Variants in SUGP2 observed in about 807,000 individuals in gnomAD.
SUGP2 encodes SURP and G-patch domain containing 2.
SUGP2 carries 24 observed loss-of-function variants against 90.5 expected under a neutral mutation model. That is an observed-to-expected ratio of 0.27 (90% CI 0.19 to 0.37). The LOEUF is 0.37. Ranked by LOEUF, SUGP2 falls within the 10% of genes least tolerant of loss-of-function variation. The probability of loss-of-function intolerance (pLI) is 1.00; values close to 1 mark genes in which losing one functional copy is unlikely to be tolerated. For missense variants in SUGP2, 1,233 were observed against 1,363.3 expected (o/e 0.90, Z 1.51); for synonymous variants, 473 against 513.4 (o/e 0.92, Z 1.06).
chr19:19,003,299 T>C (rs943948893), intron 7 of SUGP2, among the ~76,000 whole-genome samples: 4 of 152,184 alleles, frequency 2.6e-5, no homozygotes, highest in African/African-American at 9.7e-5. Flanking sequence ...AGTCCCACAA[T>C]GGGGCACCAT....
chr19:19,004,681 T>C, intron 6 of SUGP2, 35 bp from the exon 7 acceptor site: 4 of 1,493,474 alleles, frequency 2.7e-6, no homozygotes, highest in Non-Finnish European at 3.7e-6. Context: ...GGTAACCAGA[T>C]GGAATCTCTC....
In SUGP2 at chr19:19,006,221, A is replaced by AAAATAAAT. The variant is rs71168790; in HGVS notation, c.2451-1583_2451-1576dup. Reference sequence around the variant, plus strand: ...GGCGACAGAGTGAAATTCCGTCTCAAAAATAAATAAATAAATAAAACGGAT... The same window carrying AAAATAAAT: ...GGCGACAGAGTGAAATTCCGTCTCAAAAATAAATAAATAAATAAATAAATAAAACGGAT... On this transcript the variant is annotated intron_variant, in intron 6 of 10. Coordinates refer to ENST00000452918, the MANE Select transcript of SUGP2 (RefSeq NM_001017392.5). 1.4e-3 allele frequency among the ~76,000 whole-genome samples: 209 copies of AAAATAAAT among 150,786 alleles called. 1 individual carries two copies. Among genetic ancestry groups the AAAATAAAT allele is most frequent in the Middle Eastern group, 3.4e-3 (1 of 292 alleles).
intron 4 of SUGP2, among the ~76,000 whole-genome samples, chr19:19,018,135 T>C (rs889906631): frequency 1.3e-5 from 2 of 152,014 alleles, no homozygotes; most frequent in South Asian, 2.1e-4. Flanking sequence ...GCATTATTTG[T>C]TGCCACTGGA....
chr19:19,019,250 T>C (rs1437299300), intron 3 of SUGP2, 21 bp from the exon 4 acceptor site: 2 of 1,601,410 alleles, frequency 1.2e-6, no homozygotes, highest in Non-Finnish European at 1.7e-6. Context: ...CAGAACAGCT[T>C]CTCTGAGAAA....
At chr19:19,013,907 C>T (rs1476628179) in intron 4 of SUGP2, among the ~76,000 whole-genome samples, 1 of 152,232 alleles carries the variant, frequency 6.6e-6, no homozygotes, top group South Asian at 2.1e-4. Context: ...TTTGCACTCT[C>T]TCATAGAAAA....
At chr19:18,994,213 G>T in intron 10 of SUGP2, 153 bp downstream of exon 10, 1 of 1,049,530 alleles carries the variant, frequency 9.5e-7, no homozygotes, top group Non-Finnish European at 1.4e-6. Context: ...CACATCCATA[G>T]ACCCTTTTGT....
At chr19:19,033,404 C>T in intron 1 of SUGP2, 33 bp downstream of exon 1, 1 of 1,288,526 alleles carries the variant, frequency 7.8e-7, no homozygotes, top group Non-Finnish European at 9.8e-7. Flanking sequence ...CCCCGGGAGC[C>T]ACCCACCGAC....
intron 6 of SUGP2, chr19:19,007,460 T>G (rs2058122505): frequency 6.6e-6 from 1 of 152,656 alleles, no homozygotes; most frequent in Non-Finnish European, 1.5e-5. Flanking sequence ...AGAACAGATT[T>G]TTTTTTTTTG....
rs1001078409 is a variant in SUGP2 at position 18,994,244 on chromosome 19, ATTTT to A, written c.*118_*121del. 6 of 1,359,062 alleles carry A rather than the reference ATTTT, an allele frequency of 4.4e-6. No individual in the cohort carries two copies. In the African/African-American group the frequency reaches 5.8e-5, roughly 13 times the overall value. The allele number at this position is 1,359,062 out of a possible 1,614,324, so 84.2% of individuals were successfully genotyped here. A position where few individuals can be genotyped will look rare whatever the true frequency, so the allele number is the denominator to read the frequency against. ...TTTGTTTCCCTCACAGAATTTTGTG[ATTTT>A]TTTTGTGTGTGGCATTTTTGGGGGA... is the stretch of plus-strand genomic sequence containing the variant. On this transcript the variant is annotated intron_variant, in intron 10 of 10. Coordinates refer to ENST00000452918, the MANE Select transcript of SUGP2 (RefSeq NM_001017392.5).
rs766038614 is a variant in SUGP2, at chr19:19,025,444, G to T, written c.904C>A (p.Leu302Met). The T allele has an allele frequency of 8.7e-6, 14 of 1,614,042 alleles. No individual in the cohort carries two copies. In the African/African-American group the frequency reaches 1.6e-4, roughly 18 times the overall value. The change falls in exon 3 of 11, where the codon CTG becomes ATG. Residue 302 changes from leucine (L) to methionine (M), a missense_variant. Coordinates refer to ENST00000452918, the MANE Select transcript of SUGP2 (RefSeq NM_001017392.5). ...QFPIQKIPLGLDLKNLRLPRR... is the reference protein window; with the variant it reads ...QFPIQKIPLGMDLKNLRLPRR... ...GGGAGCCGAAGATTCTTCAGATCCAGCCCCAGAGGGATCTTCTGAATGGGG... is the reference window on the plus strand; with the variant it reads ...GGGAGCCGAAGATTCTTCAGATCCATCCCCAGAGGGATCTTCTGAATGGGG...
At chr19:19,012,059 T>C (rs1349395830) in intron 4 of SUGP2, among the ~76,000 whole-genome samples, 2 of 152,310 alleles carry the variant, frequency 1.3e-5, no homozygotes, top group East Asian at 1.9e-4. Context: ...TTGCACAGCA[T>C]TGGCAGCACT....
At chr19:19,001,464 C>A in intron 8 of SUGP2, 149 bp downstream of exon 8, 1 of 808,450 alleles carries the variant, frequency 1.2e-6, no homozygotes, top group East Asian at 2.7e-5. Context: ...AAAGCCCTCC[C>A]AAGAGAAAAG....
intron 4 of SUGP2, among the ~76,000 whole-genome samples, chr19:19,013,169 G>A (rs1297730356): frequency 6.6e-6 from 1 of 152,072 alleles, no homozygotes; most frequent in Non-Finnish European, 1.5e-5. Context: ...ACCCAGCTCT[G>A]GACTTAAATG....
In SUGP2 at chr19:19,030,945, T is replaced by G. The variant is rs1189204065; in HGVS notation, c.121+6A>C. On this transcript the variant is annotated splice_donor_region_variant and intron_variant, in intron 2 of 10. Transcript: ENST00000452918. The stretch of plus-strand genomic sequence containing the variant: ...CAACAACTACAACAACAACACTTTA[T>G]TTTACCTTGAGCTTTAAACTGAAGA... 1.2e-6 allele frequency: 2 copies of G among 1,608,120 alleles called. No individual in the cohort carries two copies. The highest frequency in any genetic ancestry group is 8.5e-7 in the Non-Finnish European group (1 of 1,178,194).
intron 4 of SUGP2, among the ~76,000 whole-genome samples, chr19:19,013,681 C>T (rs2058386836): frequency 6.6e-6 from 1 of 152,138 alleles, no homozygotes; most frequent in Non-Finnish European, 1.5e-5. Flanking sequence ...CTTTGGGGTG[C>T]TTGGACAATC....
rs4808897 is a variant in SUGP2 at position 18,994,450 on chromosome 19, G to A, written c.3165C>T (p.Asp1055=). 0.077 allele frequency: 124,147 copies of A among 1,614,020 alleles called. 5,288 individuals carry two copies. Among genetic ancestry groups the A allele is most frequent in the Middle Eastern group, 0.098 (593 of 6,062 alleles). The change falls in exon 10 of 11, where the codon GAC becomes GAT. Residue 1055 remains aspartate (D), a synonymous_variant. Transcript: ENST00000452918. The part of the protein sequence containing the change: ...TPSEGEGLGA[D]GQEHKEDTFD... ...ATGTGTCTTCTTTGTGCTCCTGCCC[G>A]TCAGCACCCAACCCTTCCCCTTCCG...
intron 6 of SUGP2, among the ~76,000 whole-genome samples, chr19:19,005,116 C>T (rs1261781883): frequency 6.6e-6 from 1 of 152,196 alleles, no homozygotes; most frequent in Admixed American, 6.5e-5. Context: ...CCCGAGGAGG[C>T]TCCTCACCCC....
intron 3 of SUGP2, among the ~76,000 whole-genome samples, chr19:19,020,431 CAAA>C (rs34971884): frequency 8.3e-5 from 10 of 120,376 alleles, no homozygotes; most frequent in African/African-American, 9.5e-5. Flanking sequence ...GACCCTGTCT[CAAA>C]AAAAAAAAAA....
At chr19:19,033,609 C>T, upstream of SUGP2, 1 of 1,178,914 alleles carries the variant, frequency 8.5e-7, no homozygotes, top group South Asian at 4.1e-5. Context: ...CGCCGCGGCC[C>T]GGCTCTCTTG....
Sources: gnomAD v4.1 joint callset for allele counts (sites outside exome capture counted in the v4.1 genomes callset) on GRCh38, gnomAD v4.1.1 for gene constraint, MANE v1.5 for transcripts, NCBI Gene and HGNC (gene_info 2026-07-23, HGNC 2026-07-21) for gene names.